CHEK1: variants seen among roughly 807,000 people sequenced by gnomAD.
The protein encoded by CHEK1 is checkpoint kinase 1, also known as serine/threonine-protein kinase Chk1.
In CHEK1, 32 loss-of-function variants were observed where a neutral mutation model predicts 60.2. That is an observed-to-expected ratio of 0.53 (90% CI 0.40 to 0.71). The LOEUF is 0.71. Ranked by LOEUF, CHEK1 falls within the 30% of genes least tolerant of loss-of-function variation. The pLI, the probability that CHEK1 is intolerant of heterozygous loss-of-function variation, is 0.00. For missense variants in CHEK1, 399 were observed against 564.6 expected, an observed-to-expected ratio of 0.71 and a Z score of 2.97; for synonymous variants, 179 against 187.2, an observed-to-expected ratio of 0.96 and a Z score of 0.36.
At chr11:125,675,303 A>C (rs1018432378) in intron 13 of CHEK1, among the ~76,000 whole-genome samples, 1 of 152,108 alleles carries the variant, frequency 6.6e-6, no homozygotes, top group Non-Finnish European at 1.5e-5. Context: ...TCTGCACTTT[A>C]TATGTGCCTT....
intron 8 of CHEK1, among the ~76,000 whole-genome samples, chr11:125,640,280 G>A (rs932001390): frequency 6.6e-6 from 1 of 152,130 alleles, no homozygotes; most frequent in East Asian, 1.9e-4. Context: ...GGTGGCTCAC[G>A]CCTGTAATCC....
chr11:125,680,140 ATTGT>A (rs1387122477), downstream of CHEK1, among the ~76,000 whole-genome samples: 23 of 152,200 alleles, frequency 1.5e-4, no homozygotes, highest in African/African-American at 5.5e-4. Context: ...TAGAAAATAC[ATTGT>A]TTTTTCACTG....
At chr11:125,659,598 T>G (rs1941977357), downstream of CHEK1, among the ~76,000 whole-genome samples, 1 of 152,188 alleles carries the variant, frequency 6.6e-6, no homozygotes, top group African/African-American at 2.4e-5. Flanking sequence ...TTCTCAGATC[T>G]TTATATGATT....
At chr11:125,679,663 T>C (rs1942706958), downstream of CHEK1, among the ~76,000 whole-genome samples, 1 of 152,250 alleles carries the variant, frequency 6.6e-6, no homozygotes, top group South Asian at 2.1e-4. Context: ...AACCAAGTTA[T>C]TTAATTCTAG....
chr11:125,639,323 G>A (rs1289587381), intron 8 of CHEK1, among the ~76,000 whole-genome samples: 3 of 147,394 alleles, frequency 2.0e-5, no homozygotes, highest in Non-Finnish European at 3.0e-5. Context: ...TTTGGCCTTC[G>A]TTTCCCCACA....
At chr11:125,650,458 G>GT (rs71279471) in intron 11 of CHEK1, among the ~76,000 whole-genome samples, 2,642 of 130,686 alleles carry the variant, frequency 0.02, 74 homozygotes, top group African/African-American at 0.037. Context: ...AGTGGTGTTT[G>GT]TTTTTTTTTT....
At position 125,633,290 on chromosome 11, in the gene CHEK1, T is replaced by G; in HGVS notation, c.552T>G (p.Phe184Leu). 6.2e-7 allele frequency: 1 copy of G among 1,607,458 alleles called. No homozygotes were observed. Among genetic ancestry groups the G allele is most frequent in the South Asian group, 1.1e-5 (1 of 89,494 alleles). ...CAGAACTTCTGAAGAGAAGAGAATT[T>G]CATGCAGAACCAGTTGATGTTTGGT... ...VAPELLKRRE[F>L]HAEPVDVWSC... Residue 184 changes from phenylalanine to leucine, a missense_variant, in exon 6 of 13, where the codon TTT (phenylalanine) becomes TTG (leucine). Physicochemically the swap from Phe to Leu is conservative, Grantham distance 22 (BLOSUM62 0). This residue lies in a region of CHEK1 where 370 missense variants were observed against 494.8 expected (regional missense o/e 0.75). Coordinates refer to ENST00000438015, the MANE Select transcript of CHEK1 (RefSeq NM_001114122.3).
chr11:125,625,686 G>C lies in CHEK1; in HGVS notation c.-347G>C. The C allele has an allele frequency of 3.2e-6, 2 of 623,034 alleles. No individual in the cohort carries two copies. Among genetic ancestry groups the C allele is most frequent in the South Asian group, 1.8e-5 (1 of 56,192 alleles). 38.6% of individuals were successfully genotyped at this position (623,034 alleles called of 1,614,324 possible). A position where few individuals can be genotyped will look rare whatever the true frequency, so the allele number is the denominator to read the frequency against. ...TTGGAGGCCTGGGCTTCCCCCAGCA[G>C]CGCTCGAGCACCGCCCAGTCGAGCC... is the stretch of plus-strand genomic sequence containing the variant. On this transcript the variant is annotated 5_prime_UTR_variant, in exon 1 of 13. Transcript: ENST00000438015.
Position 125,643,855 on chromosome 11 carries a change from A to C in CHEK1, c.878A>C (p.His293Pro). ...GAGTCTCCCAGTGGATTTTCTAAGCACATTCAATCCAATTTGGACTTCTCT... is the reference window on the plus strand; with the variant it reads ...GAGTCTCCCAGTGGATTTTCTAAGCCCATTCAATCCAATTTGGACTTCTCT... ...VSESPSGFSK[H>P]IQSNLDFSPV... Residue 293 changes from histidine (H) to proline (P), a missense_variant, in exon 9 of 13, where the codon CAC becomes CCC. Transcript: ENST00000438015. 1 of 1,614,228 alleles carries C rather than the reference A, an allele frequency of 6.2e-7. No individual in the cohort carries two copies. The highest frequency in any genetic ancestry group is 8.5e-7 in the Non-Finnish European group (1 of 1,180,040).
downstream of CHEK1, chr11:125,657,187 T>TTTTGTGTGTGTGTG (rs140073080): frequency 0.013 from 1,910 of 147,200 alleles, 40 homozygotes; most frequent in Middle Eastern, 0.039. Context: ...CAACCTATGC[T>TTTTGTGTGTGTGTG]TGTGTGTGTG....
intron 13 of CHEK1, among the ~76,000 whole-genome samples, chr11:125,675,343 A>G (rs1942448853): frequency 1.3e-5 from 2 of 151,796 alleles, no homozygotes; most frequent in South Asian, 4.2e-4. Flanking sequence ...CCCTTGTGAT[A>G]TTGTTTCTTA....
At chr11:125,634,342 G>C (rs986003252) in intron 6 of CHEK1, among the ~76,000 whole-genome samples, 1 of 151,546 alleles carries the variant, frequency 6.6e-6, no homozygotes, top group Middle Eastern at 3.2e-3. Context: ...TTTTTTTTGA[G>C]ACAGGGTCTC....
At position 125,625,973 on chromosome 11, in the gene CHEK1, T is replaced by G. The variant is rs1315958070; in HGVS notation, c.-60T>G. Reference sequence around the variant, plus strand: ...CCTCAAGTTTTGGCGGGAAAAGCGCTGCATTTGGATTCCTGCAGTGGTGGG... The same window carrying G: ...CCTCAAGTTTTGGCGGGAAAAGCGCGGCATTTGGATTCCTGCAGTGGTGGG... On this transcript the variant is annotated 5_prime_UTR_variant, in exon 1 of 13. Transcript: ENST00000438015. 6 of 702,574 alleles carry G rather than the reference T, an allele frequency of 8.5e-6. No individual in the cohort carries two copies. The Admixed American group carries it at 1.0e-4, about 12-fold the overall frequency. 43.5% of individuals were successfully genotyped at this position (702,574 alleles called of 1,614,324 possible).
chr11:125,644,330 CT>C (rs2136029007), intron 10 of CHEK1, 62 bp downstream of exon 10: 2 of 1,514,774 alleles, frequency 1.3e-6, no homozygotes, highest in Non-Finnish European at 1.8e-6. Flanking sequence ...TCTTAAAGTC[CT>C]TTTTTAATGT....
At chr11:125,635,358 A>G (rs1024725707) in intron 6 of CHEK1, 71 bp from the exon 7 acceptor site, 1 of 962,000 alleles carries the variant, frequency 1.0e-6, no homozygotes, top group Non-Finnish European at 1.5e-6. Context: ...TCATGGATTT[A>G]TATTATTATT....
intron 13 of CHEK1, among the ~76,000 whole-genome samples, chr11:125,674,222 G>C (rs1050188948): frequency 2.0e-5 from 3 of 152,174 alleles, no homozygotes; most frequent in African/African-American, 7.2e-5. Flanking sequence ...TTGATGTCAA[G>C]AGCTGAGAGA....
In CHEK1 at chr11:125,666,791, T is replaced by C. The variant is rs189920200; in HGVS notation, c.*28-9137T>C. ...CAGTTTTTGCTTAAAGTCTATTTGATATAAATACAGGTAATCCTGGTCTTT... is the reference window on the plus strand; with the variant it reads ...CAGTTTTTGCTTAAAGTCTATTTGACATAAATACAGGTAATCCTGGTCTTT... On this transcript the variant is annotated intron_variant, in intron 13 of 13. Coordinates refer to the CHEK1 transcript ENST00000428830. Among the ~76,000 whole-genome samples the C allele has an allele frequency of 8.1e-4, 124 of 152,338 alleles. 1 individual carries two copies. The highest frequency in any genetic ancestry group is 3.4e-3 in the Middle Eastern group (1 of 294).
downstream of CHEK1, chr11:125,680,651 G>T (rs1257198947): frequency 3.0e-6 from 4 of 1,330,586 alleles, no homozygotes; most frequent in African/African-American, 5.9e-5. Flanking sequence ...TGAGAGACTG[G>T]TCTTCCTTCT....
chr11:125,640,914 C>G (rs1027518933), intron 8 of CHEK1, among the ~76,000 whole-genome samples: 1 of 152,076 alleles, frequency 6.6e-6, no homozygotes, highest in African/African-American at 2.4e-5. Flanking sequence ...TAGGCATGAG[C>G]CACAATGCCC....
Sources: gnomAD v4.1 joint callset for allele counts (sites outside exome capture counted in the v4.1 genomes callset) on GRCh38, gnomAD v4.1.1 for gene constraint, gnomAD v4.1.1 regional missense constraint, MANE v1.5 for transcripts, NCBI Gene and HGNC (gene_info 2026-07-23, HGNC 2026-07-21) for gene names.